Variants in CSMD1 observed in about 807,000 individuals in gnomAD.
The protein encoded by CSMD1 is CUB and sushi domain-containing protein 1.
CSMD1 carries 213 observed loss-of-function variants against 417.5 expected under a neutral mutation model. The ratio of observed to expected loss-of-function variants is 0.51; its 90% confidence interval spans 0.46 to 0.57. CSMD1 has a LOEUF of 0.57. Among genes scored for constraint, CSMD1 ranks in the 20% least tolerant of loss-of-function variants. CSMD1 has a pLI of 0.00. For missense variants in CSMD1, 6,923 were observed against 4,529.7 expected (o/e 1.53, Z -15.17); for synonymous variants, 2,862 against 1,736.8 (o/e 1.65, Z -16.11).
intron 3 of CSMD1, among the ~76,000 whole-genome samples, chr8:4,067,099 CT>C (rs1282801806): frequency 6.6e-6 from 1 of 152,204 alleles, no homozygotes; most frequent in Non-Finnish European, 1.5e-5. Flanking sequence ...GTACAAGGCT[CT>C]TTTTCCTCAA....
At chr8:4,824,605 TTGA>T (rs1020874521) in intron 1 of CSMD1, among the ~76,000 whole-genome samples, 1 of 152,176 alleles carries the variant, frequency 6.6e-6, no homozygotes, top group Admixed American at 6.6e-5. Flanking sequence ...AAGGAATTAG[TTGA>T]TGAGGTCTGT....
At chr8:4,777,235 C>T (rs546863710) in intron 1 of CSMD1, among the ~76,000 whole-genome samples, 1 of 152,202 alleles carries the variant, frequency 6.6e-6, no homozygotes, top group Non-Finnish European at 1.5e-5. Flanking sequence ...AGAAGCAGAG[C>T]ATCCTCTCTG....
intron 3 of CSMD1, among the ~76,000 whole-genome samples, chr8:4,111,711 C>G (rs1028569894): frequency 2.6e-5 from 4 of 152,102 alleles, no homozygotes; most frequent in African/African-American, 7.2e-5. Flanking sequence ...TAAGTGGGAG[C>G]TGAACAGTAG....
chr8:4,379,685 G>A (rs1031142671), intron 3 of CSMD1, among the ~76,000 whole-genome samples: 1 of 56,416 alleles, frequency 1.8e-5, no homozygotes, highest in African/African-American at 4.3e-5. Context: ...AGGGGAAGAG[G>A]GCAATGAAGC....
chr8:4,641,090 G>C (rs879533541), intron 1 of CSMD1, among the ~76,000 whole-genome samples: 5 of 150,130 alleles, frequency 3.3e-5, no homozygotes, highest in Admixed American at 6.6e-5. Flanking sequence ...GTGTATTTTG[G>C]TATGCATGCA....
rs778661955 is a variant in CSMD1, at chr8:4,300,788, G to A, written c.415+119165C>T. 2.0e-3 allele frequency among the ~76,000 whole-genome samples: 310 copies of A among 152,202 alleles called. 1 individual carries two copies. The highest frequency in any genetic ancestry group is 3.8e-3 in the Non-Finnish European group (257 of 68,024). On this transcript the variant is annotated intron_variant, in intron 3 of 69. Coordinates refer to ENST00000635120, the MANE Select transcript of CSMD1 (RefSeq NM_033225.6). Reference sequence around the variant, plus strand: ...CTATGGGTGAGAACATGCAGTGTTTGGTTTTTTGTCCTGGCAATAGTTTGC... The same window carrying A: ...CTATGGGTGAGAACATGCAGTGTTTAGTTTTTTGTCCTGGCAATAGTTTGC...
intron 3 of CSMD1, among the ~76,000 whole-genome samples, chr8:4,137,296 T>C (rs1267765374): frequency 7.9e-5 from 12 of 152,186 alleles, no homozygotes; most frequent in Non-Finnish European, 7.3e-5. Flanking sequence ...TTAATCAAAA[T>C]AGGACGTGTC....
At chr8:3,996,075 G>A (rs376464330) in intron 5 of CSMD1, among the ~76,000 whole-genome samples, 2 of 152,146 alleles carry the variant, frequency 1.3e-5, no homozygotes, top group South Asian at 4.1e-4. Flanking sequence ...TTCAGAACAC[G>A]CTTCTCATCA....
At chr8:4,692,367 A>T (rs780034393) in intron 1 of CSMD1, among the ~76,000 whole-genome samples, 8 of 152,226 alleles carry the variant, frequency 5.3e-5, no homozygotes, top group Non-Finnish European at 8.8e-5. Context: ...AAAACGAAAC[A>T]AAAAACTGAG....
intron 1 of CSMD1, among the ~76,000 whole-genome samples, chr8:4,710,217 T>C (rs1022922054): frequency 1.3e-5 from 2 of 151,954 alleles, no homozygotes; most frequent in Non-Finnish European, 2.9e-5. Context: ...GTATCTTCAG[T>C]GTGCTCTTAT....
intron 2 of CSMD1, among the ~76,000 whole-genome samples, chr8:4,598,690 A>G (rs927755496): frequency 2.6e-5 from 4 of 152,210 alleles, no homozygotes; most frequent in Non-Finnish European, 4.4e-5. Flanking sequence ...ACACTCGTTG[A>G]CAATAAGCAT....
At chr8:3,483,165 A>C (rs1481058863) in intron 11 of CSMD1, among the ~76,000 whole-genome samples, 1 of 152,122 alleles carries the variant, frequency 6.6e-6, no homozygotes, top group Non-Finnish European at 1.5e-5. Context: ...AGTAGAAAAA[A>C]TAACGAAACA....
At chr8:3,088,715 T>C (rs1468892976) in intron 48 of CSMD1, among the ~76,000 whole-genome samples, 2 of 152,038 alleles carry the variant, frequency 1.3e-5, no homozygotes, top group African/African-American at 4.8e-5. Context: ...GGCCACACCA[T>C]GTTCTACCTC....
rs143309587 is a variant in CSMD1 at position 4,924,143 on chromosome 8, C to G, written c.85+70189G>C. Among the ~76,000 whole-genome samples, 750 of 152,254 alleles carry G rather than the reference C, an allele frequency of 4.9e-3. 4 individuals carry two copies. The highest frequency in any genetic ancestry group is 7.7e-3 in the Non-Finnish European group (526 of 68,018). ...AGCATCCAGGCTCACAAATAAACAT[C>G]CAGACACTCGATGTTGAATACAGAT... On this transcript the variant is annotated intron_variant, in intron 1 of 69. Transcript: ENST00000635120.
chr8:4,537,811 C>T (rs1797175258), intron 2 of CSMD1, among the ~76,000 whole-genome samples: 1 of 152,160 alleles, frequency 6.6e-6, no homozygotes, highest in Non-Finnish European at 1.5e-5. Flanking sequence ...CCGTGTTTAT[C>T]CAACAGAGCT....
chr8:3,786,204 T>C (rs1300030207), intron 5 of CSMD1, among the ~76,000 whole-genome samples: 3 of 152,052 alleles, frequency 2.0e-5, no homozygotes, highest in Admixed American at 6.6e-5. Context: ...CCCTGTTATT[T>C]TGGGCACGTT....
chr8:3,441,628 ATAG>A (rs1814991024), intron 12 of CSMD1, among the ~76,000 whole-genome samples: 1 of 152,016 alleles, frequency 6.6e-6, no homozygotes. Context: ...ACCTAATGAC[ATAG>A]TAGCCATTGA....
rs142949855 is a variant in CSMD1 at position 4,308,450 on chromosome 8, G to A, written c.415+111503C>T. ...GTCTGATGATGGGAAAAAAGGTTTAGAAAAGGATGTGATCTTCAGCGAGGG... is the reference window on the plus strand; with the variant it reads ...GTCTGATGATGGGAAAAAAGGTTTAAAAAAGGATGTGATCTTCAGCGAGGG... On this transcript the variant is annotated intron_variant, in intron 3 of 69. Coordinates refer to ENST00000635120, the MANE Select transcript of CSMD1 (RefSeq NM_033225.6). 7.4e-3 allele frequency among the ~76,000 whole-genome samples: 1,132 copies of A among 152,176 alleles called. 13 individuals carry two copies. Among genetic ancestry groups the A allele is most frequent in the African/African-American group, 0.026 (1,085 of 41,534 alleles).
intron 49 of CSMD1, among the ~76,000 whole-genome samples, chr8:3,079,479 G>C (rs922378347): frequency 6.6e-6 from 1 of 152,100 alleles, no homozygotes; most frequent in South Asian, 2.1e-4. Flanking sequence ...GATTGATAAT[G>C]AAATAGAAGC....
Sources: allele counts gnomAD v4.1 joint callset (sites outside exome capture counted in the v4.1 genomes callset), GRCh38; gene constraint gnomAD v4.1.1; transcripts MANE v1.5; gene names NCBI Gene and HGNC (gene_info 2026-07-23, HGNC 2026-07-21).